Variants in AGAP1 observed in about 807,000 individuals in gnomAD.
AGAP1 encodes ArfGAP with GTPase domain, ankyrin repeat and PH domain 1.
Under a neutral mutation model 105.3 loss-of-function variants are expected in AGAP1, and 29 were observed. The ratio of observed to expected loss-of-function variants is 0.28; its 90% confidence interval spans 0.21 to 0.38. AGAP1 has a LOEUF of 0.38. Among genes scored for constraint, AGAP1 ranks in the 10% least tolerant of loss-of-function variants. The probability of loss-of-function intolerance (pLI) is 1.00; values close to 1 mark genes in which losing one functional copy is unlikely to be tolerated. For synonymous variants in AGAP1, 509 were observed against 485.9 expected (o/e 1.05, Z -0.63); for missense variants, 998 against 1,165.1 (o/e 0.86, Z 2.09).
At position 235,875,230 on chromosome 2, in the gene AGAP1, C is replaced by G. The variant is rs933321423; in HGVS notation, c.1051-8115C>G. ...GTATCTGCCAACCAGAGAGCAACTC[C>G]CGTTGTTTGTTTTCACCTTTTAGAA... On this transcript the variant is annotated intron_variant, in intron 9 of 17. Coordinates refer to ENST00000304032, the MANE Select transcript of AGAP1 (RefSeq NM_001037131.3). This position sits in a 1 kb window ranked among gnomAD's most constrained non-coding sequence, Gnocchi z 4.0. Among the ~76,000 whole-genome samples the G allele has an allele frequency of 3.9e-5, 6 of 152,200 alleles. No individual in the cohort carries two copies. Among genetic ancestry groups the G allele is most frequent in the Non-Finnish European group, 7.3e-5 (5 of 68,048 alleles).
At chr2:236,028,458 A>G (rs375279870) in intron 13 of AGAP1, among the ~76,000 whole-genome samples, 21 of 152,258 alleles carry the variant, frequency 1.4e-4, no homozygotes, top group African/African-American at 4.8e-4. Context: ...TTGTATCTCT[A>G]CTTTGCTACC....
At position 235,737,934 on chromosome 2, in the gene AGAP1, G is replaced by C. The variant is rs1559415989; in HGVS notation, c.311-3029G>C. On this transcript the variant is annotated intron_variant, in intron 3 of 17. Transcript: ENST00000304032. This position sits in a 1 kb window ranked among gnomAD's most constrained non-coding sequence, Gnocchi z 4.5. ...CCTTAGGGTTCATCAAGCAGGGAGGGCTTCCACATACCCTTGTATCTGGGG... is the reference window on the plus strand; with the variant it reads ...CCTTAGGGTTCATCAAGCAGGGAGGCCTTCCACATACCCTTGTATCTGGGG... 6.6e-6 allele frequency among the ~76,000 whole-genome samples: 1 copy of C among 152,012 alleles called. No homozygotes were observed. Among genetic ancestry groups the C allele is most frequent in the Non-Finnish European group, 1.5e-5 (1 of 68,002 alleles).
intron 9 of AGAP1, among the ~76,000 whole-genome samples, chr2:235,881,445 C>G (rs932163097): frequency 5.9e-5 from 9 of 152,160 alleles, no homozygotes; most frequent in Non-Finnish European, 1.2e-4. Flanking sequence ...GTCTTACGCT[C>G]TCTCAGTCAT....
chr2:235,917,965 T>C (rs1294233027), intron 11 of AGAP1, among the ~76,000 whole-genome samples: 5 of 152,242 alleles, frequency 3.3e-5, no homozygotes, highest in Non-Finnish European at 4.4e-5. Context: ...ACTAGACCCG[T>C]TGTTGTCTCA....
At chr2:235,674,864 T>C (rs1263073572) in intron 1 of AGAP1, among the ~76,000 whole-genome samples, 1 of 151,878 alleles carries the variant, frequency 6.6e-6, no homozygotes, top group African/African-American at 2.4e-5. Context: ...AATTTTTGTG[T>C]TTTTAGTAGA....
rs1055702069 is a variant in AGAP1 at position 235,747,947 on chromosome 2, A to G, written c.539-2407A>G. Among the ~76,000 whole-genome samples, 3 of 152,214 alleles carry G rather than the reference A, an allele frequency of 2.0e-5. No homozygotes were observed. Among genetic ancestry groups the G allele is most frequent in the African/African-American group, 7.2e-5 (3 of 41,452 alleles). ...GGTGAGGCCTCCGCCCGCTGGCGGGAGGGGCAGCTCTGCCAGCAGGAGCTC... is the reference window on the plus strand; with the variant it reads ...GGTGAGGCCTCCGCCCGCTGGCGGGGGGGGCAGCTCTGCCAGCAGGAGCTC... On this transcript the variant is annotated intron_variant, in intron 5 of 17. Transcript: ENST00000304032. This position sits in a 1 kb window ranked among gnomAD's most constrained non-coding sequence, Gnocchi z 5.0.
chr2:235,869,907 G>C (rs1408483607), intron 9 of AGAP1, among the ~76,000 whole-genome samples: 1 of 152,150 alleles, frequency 6.6e-6, no homozygotes, highest in Non-Finnish European at 1.5e-5. Context: ...TCTTAACAAG[G>C]CTGCGCAGGC....
In AGAP1 at chr2:236,080,882, AC is replaced by A. The variant is rs2058762624; in HGVS notation, c.2114+31604del. ...CTATTTATATGACCCTCTTATAAGGACCCTTGTATATTGGGCCCACCTGGAT... is the reference window on the plus strand; with the variant it reads ...CTATTTATATGACCCTCTTATAAGGACCTTGTATATTGGGCCCACCTGGAT... On this transcript the variant is annotated intron_variant, in intron 16 of 17. Transcript: ENST00000304032. The surrounding 1 kb of genome is among the most constrained non-coding windows in gnomAD (Gnocchi z 4.2). 6.6e-6 allele frequency among the ~76,000 whole-genome samples: 1 copy of A among 151,786 alleles called. No individual in the cohort carries two copies.
intron 1 of AGAP1, among the ~76,000 whole-genome samples, chr2:235,531,209 T>C (rs555769524): frequency 6.6e-6 from 1 of 152,320 alleles, no homozygotes; most frequent in South Asian, 2.1e-4. Context: ...GCTGGAGCTC[T>C]CCTTTTTGCT....
intron 16 of AGAP1, among the ~76,000 whole-genome samples, chr2:236,057,953 G>C (rs750561127): frequency 6.6e-6 from 1 of 152,156 alleles, no homozygotes. Context: ...TGCCCTCCCC[G>C]GGGGTTGTGG....
chr2:235,968,335 G>A lies in AGAP1; in HGVS notation c.1484-127G>A, dbSNP rs376049730. On this transcript the variant is annotated intron_variant, in intron 12 of 17. Coordinates refer to ENST00000304032, the MANE Select transcript of AGAP1 (RefSeq NM_001037131.3). ...GCCTCCAACTCAGCAATACAGTAAT[G>A]GGATGTTATTTGCAGGGCCTGTGTG... The A allele has an allele frequency of 2.5e-4, 317 of 1,246,794 alleles. 1 individual carries two copies. The South Asian group carries it at 4.8e-3, about 19-fold the overall frequency. The allele number at this position is 1,246,794 out of a possible 1,614,324, so 77.2% of individuals were successfully genotyped here.
At chr2:235,998,449 A>G (rs997497298) in intron 13 of AGAP1, among the ~76,000 whole-genome samples, 6 of 152,160 alleles carry the variant, frequency 3.9e-5, no homozygotes, top group African/African-American at 9.7e-5. Context: ...CTGAGCCCCT[A>G]TCTTACCCCT....
At position 235,550,899 on chromosome 2, in the gene AGAP1, T is replaced by C. The variant is rs1347055034; in HGVS notation, c.163+56050T>C. 1.3e-5 allele frequency among the ~76,000 whole-genome samples: 2 copies of C among 152,010 alleles called. No individual in the cohort carries two copies. The highest frequency in any genetic ancestry group is 2.9e-5 in the Non-Finnish European group (2 of 68,006). On this transcript the variant is annotated intron_variant, in intron 1 of 17. Transcript: ENST00000304032. The surrounding 1 kb of genome is among the most constrained non-coding windows in gnomAD (Gnocchi z 4.6). ...AAGCAATTCTCCTGCCTCAGCCTCCTGAGTAGCTGGGACTACAGGCGTGCA... is the reference window on the plus strand; with the variant it reads ...AAGCAATTCTCCTGCCTCAGCCTCCCGAGTAGCTGGGACTACAGGCGTGCA...
Position 235,769,836 on chromosome 2 carries a change from G to C in AGAP1, c.673+19348G>C, listed in dbSNP as rs930071813. 9.2e-5 allele frequency among the ~76,000 whole-genome samples: 14 copies of C among 152,194 alleles called. No individual in the cohort carries two copies. Among genetic ancestry groups the C allele is most frequent in the African/African-American group, 3.4e-4 (14 of 41,448 alleles). On this transcript the variant is annotated intron_variant, in intron 6 of 17. Coordinates refer to ENST00000304032, the MANE Select transcript of AGAP1 (RefSeq NM_001037131.3). The surrounding 1 kb of genome is among the most constrained non-coding windows in gnomAD (Gnocchi z 4.4). ...AGCTGAGTTCTGCTTTGGCACAGGG[G>C]AGGGAGGACATGGCCCTCGGCTGCC...
rs139024230 is a variant in AGAP1 at position 236,055,387 on chromosome 2, G to C, written c.2114+6106G>C. ...AGTGCTCTCAGGGAGAATTCTGTTT[G>C]TGGAGGAAGCTGCTGTGCTCTGTGA... is the stretch of plus-strand genomic sequence containing the variant. On this transcript the variant is annotated intron_variant, in intron 16 of 17. Transcript: ENST00000304032. This position sits in a 1 kb window ranked among gnomAD's most constrained non-coding sequence, Gnocchi z 6.2. Among the ~76,000 whole-genome samples, 1 of 152,324 alleles carries C rather than the reference G, an allele frequency of 6.6e-6. No homozygotes were observed. The highest frequency in any genetic ancestry group is 1.5e-5 in the Non-Finnish European group (1 of 68,032).
intron 16 of AGAP1, among the ~76,000 whole-genome samples, chr2:236,070,135 C>T (rs1046106020): frequency 2.0e-5 from 3 of 152,246 alleles, no homozygotes; most frequent in East Asian, 1.9e-4. Context: ...ACATTGCTCC[C>T]GAAAGCTGTG....
intron 12 of AGAP1, among the ~76,000 whole-genome samples, chr2:235,943,647 G>C (rs142001276): frequency 1.3e-5 from 2 of 152,142 alleles, no homozygotes; most frequent in East Asian, 3.9e-4. Flanking sequence ...ACCATGCCTG[G>C]CCACTTAAAA....
chr2:236,016,095 G>C (rs976826858), intron 13 of AGAP1, among the ~76,000 whole-genome samples: 1 of 152,022 alleles, frequency 6.6e-6, no homozygotes, highest in Non-Finnish European at 1.5e-5. Context: ...GCTTGTTAAA[G>C]AGCCATTTTT....
intron 1 of AGAP1, among the ~76,000 whole-genome samples, chr2:235,515,823 C>T (rs764410398): frequency 6.6e-6 from 1 of 152,076 alleles, no homozygotes; most frequent in Non-Finnish European, 1.5e-5. Context: ...TAAACACGCA[C>T]AGAGCTGGGC....
Sources: gnomAD v4.1 joint callset for allele counts (sites outside exome capture counted in the v4.1 genomes callset) on GRCh38, gnomAD v4.1.1 for gene constraint, Gnocchi (gnomAD v3.1) non-coding constraint, MANE v1.5 for transcripts, NCBI Gene and HGNC (gene_info 2026-07-23, HGNC 2026-07-21) for gene names.